The following TBX18 variants were observed in gnomAD, a reference collection of about 807,000 sequenced individuals.
TBX18 encodes T-box transcription factor TBX18.
TBX18 carries 21 observed loss-of-function variants against 55.0 expected under a neutral mutation model. That is an observed-to-expected ratio of 0.38 (90% CI 0.27 to 0.55). TBX18 has a LOEUF of 0.55. TBX18 is among the 20% of genes least tolerant of loss of function. The probability of loss-of-function intolerance (pLI) is 0.73; values close to 1 mark genes in which losing one functional copy is unlikely to be tolerated. For missense variants in TBX18, 840 were observed against 799.6 expected (o/e 1.05, Z -0.61); for synonymous variants, 342 against 326.1 (o/e 1.05, Z -0.53).
At chr6:84,761,121 G>A (rs1474156128) in intron 2 of TBX18, among the ~76,000 whole-genome samples, 1 of 152,108 alleles carries the variant, frequency 6.6e-6, no homozygotes, top group Non-Finnish European at 1.5e-5. Flanking sequence ...CTTTTAAAAA[G>A]GCACAGCAGC....
chr6:84,759,801 A>T (rs571667700), intron 3 of TBX18, among the ~76,000 whole-genome samples: 9 of 150,924 alleles, frequency 6.0e-5, no homozygotes, highest in South Asian at 2.1e-4. Context: ...TTCTGAAATT[A>T]AAAAAAAAGC....
At chr6:84,762,976 T>A (rs994886661) in intron 1 of TBX18, 5 of 581,974 alleles carry the variant, frequency 8.6e-6, no homozygotes, top group African/African-American at 3.8e-5. Context: ...GGTCCCCAAG[T>A]CCCAAGCCCG....
At chr6:84,742,899 C>T (rs1767083665) in intron 6 of TBX18, among the ~76,000 whole-genome samples, 1 of 152,144 alleles carries the variant, frequency 6.6e-6, no homozygotes, top group South Asian at 2.1e-4. Context: ...AGTCACCTCA[C>T]TAAGTGGCCA....
rs138481216 is a variant in TBX18, at chr6:84,737,601, G to A, written c.1100-192C>T. Among the ~76,000 whole-genome samples, 440 of 152,298 alleles carry A rather than the reference G, an allele frequency of 2.9e-3. 3 individuals carry two copies. Among genetic ancestry groups the A allele is most frequent in the African/African-American group, 9.0e-3 (376 of 41,568 alleles). ...CTCATTTCCAATTAGAAAACAAGTT[G>A]TTGAATCACATGCTAATACAAGAGC... On this transcript the variant is annotated intron_variant, in intron 7 of 7. Transcript: ENST00000369663.
rs908021614 is a variant in TBX18, at chr6:84,764,156, G to C, written c.26C>G (p.Pro9Arg). Residue 9 changes from proline to arginine, a missense_variant, in exon 1 of 8, where the codon CCG (proline) becomes CGG (arginine). Pro to Arg is a moderately radical substitution (Grantham distance 103). Coordinates refer to ENST00000369663, the MANE Select transcript of TBX18 (RefSeq NM_001080508.3). ...CGCCTTGAGGCTTAGCATGCTGCACGGCGAGCCCCTTCGCTTCTCGGCCAT... is the reference window on the plus strand; with the variant it reads ...CGCCTTGAGGCTTAGCATGCTGCACCGCGAGCCCCTTCGCTTCTCGGCCAT... MAEKRRGS[P>R]CSMLSLKAHA... The C allele has an allele frequency of 9.2e-6, 14 of 1,528,748 alleles. No homozygotes were observed. The highest frequency in any genetic ancestry group is 2.2e-4 in the Middle Eastern group (1 of 4,540). The allele number at this position is 1,528,748 out of a possible 1,614,324, so 94.7% of individuals were successfully genotyped here.
Position 84,737,317 on chromosome 6 carries a change from G to A in TBX18, c.1192C>T (p.Pro398Ser). 1 of 1,601,096 alleles carries A rather than the reference G, an allele frequency of 6.2e-7. No individual in the cohort carries two copies. The highest frequency in any genetic ancestry group is 1.1e-5 in the South Asian group (1 of 88,186). ...GTGTTGGGCCCCAGATGGAAGGCAG[G>A]AGAGGAGCAAGAGGAGCCAGACAAA... ...HLLSGSSCSSPAFHLGPNTSQ... is the reference protein window; with the variant it reads ...HLLSGSSCSSSAFHLGPNTSQ... Residue 398 changes from proline (P) to serine (S), a missense_variant, in exon 8 of 8, where the codon CCT becomes TCT. Pro to Ser is a moderately conservative substitution (Grantham distance 74, BLOSUM62 -1). Transcript: ENST00000369663.
intron 4 of TBX18, among the ~76,000 whole-genome samples, chr6:84,754,108 A>T (rs1372794586): frequency 1.3e-5 from 2 of 152,000 alleles, no homozygotes; most frequent in Non-Finnish European, 2.9e-5. Context: ...TTGTATTTTC[A>T]GTTGAGATGG....
At chr6:84,740,582 A>G (rs956157638) in intron 6 of TBX18, among the ~76,000 whole-genome samples, 7 of 139,204 alleles carry the variant, frequency 5.0e-5, no homozygotes, top group African/African-American at 1.7e-4. Context: ...TCCAAACCAC[A>G]TGTTGCCTGT....
intron 4 of TBX18, among the ~76,000 whole-genome samples, chr6:84,754,047 C>T: frequency 6.6e-6 from 1 of 152,188 alleles, no homozygotes. Context: ...CCTGCCTTAG[C>T]CTCCCAAGTA....
intron 4 of TBX18, among the ~76,000 whole-genome samples, chr6:84,748,890 ATTAG>A (rs1160674396): frequency 3.9e-5 from 6 of 152,344 alleles, no homozygotes; most frequent in East Asian, 1.9e-4. Flanking sequence ...ACATGAGTAA[ATTAG>A]TTAGGTGAAT....
At chr6:84,762,449 CA>C (rs1204577956) in intron 2 of TBX18, 94 bp downstream of exon 2, 2 of 1,424,504 alleles carry the variant, frequency 1.4e-6, no homozygotes, top group Non-Finnish European at 2.0e-6. Flanking sequence ...CCAGAACCCC[CA>C]CCGAGCTGCA....
intron 4 of TBX18, among the ~76,000 whole-genome samples, chr6:84,754,260 C>T (rs1767428156): frequency 6.6e-6 from 1 of 152,164 alleles, no homozygotes; most frequent in Non-Finnish European, 1.5e-5. Context: ...CATCTTTTAC[C>T]ATACTGGATA....
chr6:84,739,022 C>G (rs1766971668), intron 6 of TBX18, among the ~76,000 whole-genome samples: 1 of 152,170 alleles, frequency 6.6e-6, no homozygotes, highest in East Asian at 1.9e-4. Flanking sequence ...AAAACCAGCT[C>G]TTTTCTAAGG....
chr6:84,762,850 G>A lies in TBX18; in HGVS notation c.293-102C>T, dbSNP rs1767692975. ...GGTGGCTGAGAAGAGGAAAATGACC[G>A]GGAGAAAAGGGGAAGCTTTGGTGCC... On this transcript the variant is annotated intron_variant, in intron 1 of 7. Coordinates refer to ENST00000369663, the MANE Select transcript of TBX18 (RefSeq NM_001080508.3). The A allele has an allele frequency of 9.2e-6, 10 of 1,088,186 alleles. No individual in the cohort carries two copies. In the South Asian group the frequency reaches 1.2e-4, roughly 14 times the overall value. The allele number at this position is 1,088,186 out of a possible 1,614,324, so 67.4% of individuals were successfully genotyped here.
chr6:84,745,502 G>C (rs1290252625), intron 5 of TBX18, among the ~76,000 whole-genome samples: 1 of 152,026 alleles, frequency 6.6e-6, no homozygotes, highest in Non-Finnish European at 1.5e-5. Flanking sequence ...ACGCCCTCCA[G>C]TCAGCCACGC....
rs111661894 is a variant in TBX18 at position 84,736,376 on chromosome 6, A to G, written c.*309T>C. ...ATAATTGCCAAGTTTTAAGTTTACC[A>G]TCTTGTTTTTAAAAGAGTCTGAGAA... On this transcript the variant is annotated 3_prime_UTR_variant, in exon 8 of 8. Coordinates refer to ENST00000369663, the MANE Select transcript of TBX18 (RefSeq NM_001080508.3). 4.7e-4 allele frequency: 95 copies of G among 200,312 alleles called. No homozygotes were observed. Among genetic ancestry groups the G allele is most frequent in the African/African-American group, 2.0e-3 (89 of 43,574 alleles). The allele number at this position is 200,312 out of a possible 1,614,324, so 12.4% of individuals were successfully genotyped here.
chr6:84,751,716 G>C (rs1464880122), intron 4 of TBX18, among the ~76,000 whole-genome samples: 1 of 152,178 alleles, frequency 6.6e-6, no homozygotes, highest in African/African-American at 2.4e-5. Context: ...CAGAGTAAAA[G>C]TAGGAATTGA....
intron 5 of TBX18, among the ~76,000 whole-genome samples, chr6:84,745,774 CAG>C (rs1767166644): frequency 1.3e-5 from 2 of 152,192 alleles, no homozygotes; most frequent in Middle Eastern, 3.4e-3. Flanking sequence ...CTTGTTAAAA[CAG>C]AGACATAACA....
At chr6:84,746,490 ATATATT>A (rs1767194139) in intron 5 of TBX18, among the ~76,000 whole-genome samples, 1 of 146,796 alleles carries the variant, frequency 6.8e-6, no homozygotes, top group Admixed American at 6.9e-5. Context: ...TATACTATTT[ATATATT>A]TATATTGATA....
Sources: gnomAD v4.1 joint callset for allele counts (sites outside exome capture counted in the v4.1 genomes callset) on GRCh38, gnomAD v4.1.1 for gene constraint, MANE v1.5 for transcripts, NCBI Gene and HGNC (gene_info 2026-07-23, HGNC 2026-07-21) for gene names.